LRRC37A2: variants seen among roughly 807,000 people sequenced by gnomAD.
LRRC37A2 encodes leucine rich repeat containing 37 member A2, also known as leucine-rich repeat-containing protein 37A2.
A neutral mutation model predicts 68.8 loss-of-function variants in LRRC37A2; 9 were observed. The ratio of observed to expected loss-of-function variants is 0.13; its 90% CI spans 0.08 to 0.23. LRRC37A2 has a LOEUF of 0.23. LRRC37A2 is among the 10% of genes least tolerant of loss of function. LRRC37A2 has a pLI of 1.00. For missense variants in LRRC37A2, 168 were observed against 950.4 expected (o/e 0.18, Z 10.82); for synonymous variants, 63 against 367.6 (o/e 0.17, Z 9.48).
At chr17:46,798,891 TAC>T in the LRRC37A2 span, among the ~76,000 whole-genome samples, 1 of 151,738 alleles carries the variant, frequency 6.6e-6, no homozygotes, top group African/African-American at 2.4e-5. Flanking sequence ...CTACTAAAAA[TAC>T]AAAAATTGGC....
the LRRC37A2 span, chr17:47,017,259 C>T: frequency 1.1e-5 from 17 of 1,611,518 alleles, no homozygotes; most frequent in Non-Finnish European, 1.4e-5. Flanking sequence ...GGGCCCATGG[C>T]CCCTCCTTAT....
chr17:46,839,582 TGCA>T, the LRRC37A2 span, among the ~76,000 whole-genome samples: 1 of 152,254 alleles, frequency 6.6e-6, no homozygotes, highest in African/African-American at 2.4e-5. Context: ...GTGCACAATG[TGCA>T]GGTTTGTTAC....
At chr17:46,928,679 C>T in the LRRC37A2 span, among the ~76,000 whole-genome samples, 5 of 152,160 alleles carry the variant, frequency 3.3e-5, no homozygotes, top group Admixed American at 6.5e-5. Flanking sequence ...AACAGAAGGT[C>T]CCTGTCTCAG....
At chr17:46,422,856 TAAG>T in the LRRC37A2 span, among the ~76,000 whole-genome samples, 1 of 110,552 alleles carries the variant, frequency 9.0e-6, no homozygotes, top group African/African-American at 3.1e-5. Context: ...AAATAAATAA[TAAG>T]AAACGCATTA....
At chr17:46,749,279 G>A in the LRRC37A2 span, among the ~76,000 whole-genome samples, 85 of 152,268 alleles carry the variant, frequency 5.6e-4, no homozygotes, top group Non-Finnish European at 5.7e-4. Context: ...AATATTAAAT[G>A]TGACAATTAT....
chr17:47,035,450 C>T, the LRRC37A2 span, among the ~76,000 whole-genome samples: 2 of 152,214 alleles, frequency 1.3e-5, no homozygotes, highest in South Asian at 4.2e-4. Flanking sequence ...TTTCTTTTCA[C>T]GAAGCATGTT....
At chr17:46,712,001 A>T in the LRRC37A2 span, among the ~76,000 whole-genome samples, 1 of 152,216 alleles carries the variant, frequency 6.6e-6, no homozygotes, top group Non-Finnish European at 1.5e-5. Flanking sequence ...AAACTATCTT[A>T]GGGGCAATGG....
At chr17:46,896,105 C>T in the LRRC37A2 span, among the ~76,000 whole-genome samples, 8 of 151,586 alleles carry the variant, frequency 5.3e-5, no homozygotes, top group Non-Finnish European at 7.4e-5. Flanking sequence ...GGTGAAACCC[C>T]GTCTCTACTA....
At chr17:46,915,647 C>T in the LRRC37A2 span, among the ~76,000 whole-genome samples, 23 of 152,216 alleles carry the variant, frequency 1.5e-4, no homozygotes, top group African/African-American at 5.5e-4. Flanking sequence ...TTTGAGTGCT[C>T]TTCTTGAAAT....
At chr17:46,898,578 G>T in the LRRC37A2 span, among the ~76,000 whole-genome samples, 1 of 152,190 alleles carries the variant, frequency 6.6e-6, no homozygotes, top group East Asian at 1.9e-4. Flanking sequence ...GAATGGAGGA[G>T]CATTAGAGAC....
At chr17:47,018,352 T>C in the LRRC37A2 span, 45 of 1,611,160 alleles carry the variant, frequency 2.8e-5, no homozygotes, top group South Asian at 2.9e-4. Flanking sequence ...GGTCAGCCTC[T>C]AGAACATCAT....
chr17:46,931,957 G>C, the LRRC37A2 span: 3 of 894,822 alleles, frequency 3.4e-6, no homozygotes, highest in Non-Finnish European at 5.6e-6. Context: ...GTGTGGGGTG[G>C]TGTAGGGAGA....
At chr17:46,804,001 A>C in the LRRC37A2 span, among the ~76,000 whole-genome samples, 3 of 152,146 alleles carry the variant, frequency 2.0e-5, no homozygotes, top group African/African-American at 7.2e-5. Flanking sequence ...GAGGAAACTC[A>C]GGGCAAGCTC....
chr17:47,021,287 A>C, the LRRC37A2 span, among the ~76,000 whole-genome samples: 1 of 144,336 alleles, frequency 6.9e-6, no homozygotes, highest in African/African-American at 2.6e-5. Flanking sequence ...AAAGTGTCCA[A>C]AAGGAAAAGC....
At chr17:46,947,574 TGGG>T in the LRRC37A2 span, among the ~76,000 whole-genome samples, 1 of 152,110 alleles carries the variant, frequency 6.6e-6, no homozygotes, top group Non-Finnish European at 1.5e-5. Flanking sequence ...TGTAATGTGA[TGGG>T]GGTGGTGGGA....
chr17:46,978,723 G>T, the LRRC37A2 span: 2 of 1,612,354 alleles, frequency 1.2e-6, no homozygotes, highest in Admixed American at 3.3e-5. Flanking sequence ...TCATGCTCTC[G>T]GACTTGATGA....
the LRRC37A2 span, among the ~76,000 whole-genome samples, chr17:46,944,209 C>T: frequency 1.3e-5 from 2 of 152,222 alleles, no homozygotes; most frequent in Non-Finnish European, 2.9e-5. Flanking sequence ...CCAGTGTTAG[C>T]TGTTTCAGGG....
chr17:46,875,284 T>C, the LRRC37A2 span: 1 of 1,614,160 alleles, frequency 6.2e-7, no homozygotes, highest in Non-Finnish European at 8.5e-7. Flanking sequence ...ACCAAGTTTC[T>C]GAGCAACTTC....
chr17:46,598,772 T>G, the LRRC37A2 span, among the ~76,000 whole-genome samples: 1 of 151,922 alleles, frequency 6.6e-6, no homozygotes, highest in African/African-American at 2.4e-5. Context: ...AAACAAACTT[T>G]CAGATGAAAC....
Sources: allele counts gnomAD v4.1 joint callset (sites outside exome capture counted in the v4.1 genomes callset), GRCh38; gene constraint gnomAD v4.1.1; transcripts MANE v1.5; gene names NCBI Gene and HGNC (gene_info 2026-07-23, HGNC 2026-07-21).